Variants in DLG2 observed in about 807,000 individuals in gnomAD.
DLG2 encodes discs large MAGUK scaffold protein 2, also known as disks large homolog 2.
In DLG2, 45 loss-of-function variants were observed where a neutral mutation model predicts 132.5. The observed-to-expected ratio is 0.34, with a 90% CI of 0.27 to 0.44. The LOEUF (loss-of-function observed/expected upper bound fraction) is 0.44, where lower values mean the gene tolerates loss of function less well. DLG2 is among the 20% of genes least tolerant of loss of function. The probability of loss-of-function intolerance (pLI) is 1.00; values close to 1 mark genes in which losing one functional copy is unlikely to be tolerated. For missense variants in DLG2, 1,045 were observed against 1,196.9 expected (o/e 0.87, Z 1.87); for synonymous variants, 424 against 419.6 (o/e 1.01, Z -0.13).
intron 6 of DLG2, chr11:84,923,558 T>A: frequency 1.0e-6 from 1 of 1,002,056 alleles, no homozygotes; most frequent in Non-Finnish European, 1.2e-6. Context: ...TATTAAATAC[T>A]TTACAATGGG....
At chr11:84,497,399 T>C (rs1450147145) in intron 7 of DLG2, among the ~76,000 whole-genome samples, 1 of 152,152 alleles carries the variant, frequency 6.6e-6, no homozygotes, top group Non-Finnish European at 1.5e-5. Flanking sequence ...CTATGGACCC[T>C]ATAGTCCCAG....
At chr11:84,951,177 G>A (rs888287929) in intron 6 of DLG2, among the ~76,000 whole-genome samples, 2 of 152,166 alleles carry the variant, frequency 1.3e-5, no homozygotes, top group Non-Finnish European at 2.9e-5. Flanking sequence ...TACACTGCAA[G>A]TACCCATACC....
intron 6 of DLG2, among the ~76,000 whole-genome samples, chr11:84,710,790 T>A (rs2060294719): frequency 6.6e-6 from 1 of 151,174 alleles, no homozygotes; most frequent in Non-Finnish European, 1.5e-5. Flanking sequence ...TATTTTATAT[T>A]AGGAATTACA....
At chr11:83,510,719 T>C (rs1316799709) in intron 21 of DLG2, among the ~76,000 whole-genome samples, 2 of 151,874 alleles carry the variant, frequency 1.3e-5, no homozygotes, top group Non-Finnish European at 2.9e-5. Flanking sequence ...ATCTTTCAGA[T>C]GCTAAATGCA....
At chr11:84,597,638 T>G (rs1055455926) in intron 6 of DLG2, among the ~76,000 whole-genome samples, 1 of 152,160 alleles carries the variant, frequency 6.6e-6, no homozygotes, top group African/African-American at 2.4e-5. Context: ...CATGAACCAT[T>G]AAAGCAGCAG....
chr11:84,498,280 T>C (rs1250775086), intron 7 of DLG2, among the ~76,000 whole-genome samples: 1 of 152,204 alleles, frequency 6.6e-6, no homozygotes, highest in Non-Finnish European at 1.5e-5. Context: ...GAAACTGAGA[T>C]GCAAAGACAC....
intron 18 of DLG2, among the ~76,000 whole-genome samples, chr11:83,779,268 A>G (rs2094709863): frequency 6.6e-6 from 1 of 152,152 alleles, no homozygotes; most frequent in Non-Finnish European, 1.5e-5. Flanking sequence ...GGATGGAAAG[A>G]GAAAAACTGT....
At chr11:84,953,768 C>T (rs2051264772) in intron 6 of DLG2, among the ~76,000 whole-genome samples, 1 of 152,140 alleles carries the variant, frequency 6.6e-6, no homozygotes, top group African/African-American at 2.4e-5. Context: ...TTCTTTGCTT[C>T]AAGTCCTTCA....
rs373708001 is a variant in DLG2 at position 84,635,013 on chromosome 11, G to GGA, written c.358-100284_358-100283dup. Among the ~76,000 whole-genome samples the GGA allele has an allele frequency of 3.9e-3, 597 of 152,348 alleles. 4 individuals are homozygous for GGA. Among genetic ancestry groups the GGA allele is most frequent in the African/African-American group, 0.014 (568 of 41,594 alleles). The stretch of plus-strand genomic sequence containing the variant: ...AAGCACAATAATTCAATCCGCTGGA[G>GGA]GAGAGGATGACAACAGGGGCCTCTG... On this transcript the variant is annotated intron_variant, in intron 6 of 27. Coordinates refer to ENST00000376104, the MANE Select transcript of DLG2 (RefSeq NM_001142699.3).
chr11:84,120,007 G>A (rs1412039611), intron 9 of DLG2, among the ~76,000 whole-genome samples: 2 of 152,172 alleles, frequency 1.3e-5, no homozygotes, highest in Admixed American at 1.3e-4. Flanking sequence ...ATGGCTGGAA[G>A]GAGGGGACTA....
At chr11:83,850,160 G>GTGTGTGTTTTTTT (rs1452960432) in intron 16 of DLG2, among the ~76,000 whole-genome samples, 1 of 124,304 alleles carries the variant, frequency 8.0e-6, no homozygotes, top group African/African-American at 3.6e-5. Context: ...GTGTGTGTGT[G>GTGTGTGTTTTTTT]TTTTTTTACT....
chr11:85,468,662 C>G (rs1288565630), intron 3 of DLG2, among the ~76,000 whole-genome samples: 4 of 152,162 alleles, frequency 2.6e-5, no homozygotes, highest in Non-Finnish European at 5.9e-5. Context: ...TTTGATTGCA[C>G]TGTGGTCTGA....
intron 6 of DLG2, among the ~76,000 whole-genome samples, chr11:84,636,751 T>A (rs7103767): frequency 0.39 from 58,926 of 151,358 alleles, 12,894 homozygotes; most frequent in African/African-American, 0.59. Flanking sequence ...AAAAAAGTTA[T>A]AAACTTAAGA....
At chr11:83,469,416 C>T (rs757300559) in intron 24 of DLG2, 43 bp from the exon 25 acceptor site, 1 of 1,518,442 alleles carries the variant, frequency 6.6e-7, no homozygotes, top group African/African-American at 1.4e-5. Context: ...GCATTTATAC[C>T]CATAAACTTG....
intron 6 of DLG2, among the ~76,000 whole-genome samples, chr11:84,688,752 C>G (rs956352490): frequency 6.6e-6 from 1 of 152,158 alleles, no homozygotes; most frequent in African/African-American, 2.4e-5. Context: ...AAGATCAGCT[C>G]AAATATGACC....
At chr11:84,525,297 T>C (rs2099316904) in intron 7 of DLG2, among the ~76,000 whole-genome samples, 1 of 152,164 alleles carries the variant, frequency 6.6e-6, no homozygotes, top group Non-Finnish European at 1.5e-5. Context: ...TACTCCAACA[T>C]AAACTCAGAA....
intron 3 of DLG2, among the ~76,000 whole-genome samples, chr11:85,308,407 C>A (rs942629559): frequency 4.6e-5 from 7 of 151,968 alleles, no homozygotes; most frequent in Non-Finnish European, 5.9e-5. Flanking sequence ...GATTCTTTGC[C>A]TTTTGGCTTC....
intron 9 of DLG2, among the ~76,000 whole-genome samples, chr11:84,106,850 A>G (rs375149877): frequency 8.2e-6 from 1 of 121,306 alleles, no homozygotes; most frequent in African/African-American, 3.1e-5. Context: ...TGTTTGAGTG[A>G]GTGTGTGTGT....
chr11:83,522,076 T>C lies in DLG2; in HGVS notation c.2193+10632A>G, dbSNP rs149753144. On this transcript the variant is annotated intron_variant, in intron 21 of 27. Transcript: ENST00000376104. ...ACCACTGCCCCATTGTGTGTGCCCA[T>C]TGAATGGAATACTCGCTGGTCACCA... Among the ~76,000 whole-genome samples the C allele has an allele frequency of 9.8e-4, 150 of 152,360 alleles. 2 individuals are homozygous for C. The highest frequency in any genetic ancestry group is 8.9e-3 in the South Asian group (43 of 4,826).
Sources: allele counts gnomAD v4.1 joint callset (sites outside exome capture counted in the v4.1 genomes callset), GRCh38; gene constraint gnomAD v4.1.1; transcripts MANE v1.5; gene names NCBI Gene and HGNC (gene_info 2026-07-23, HGNC 2026-07-21).